CCNE2: variants seen among roughly 807,000 people sequenced by gnomAD.
CCNE2 encodes the protein G1/S-specific cyclin-E2.
A neutral mutation model predicts 56.8 loss-of-function variants in CCNE2; 18 were observed. That is an observed-to-expected ratio of 0.32 (90% CI 0.22 to 0.47). CCNE2 has a LOEUF of 0.47. Among genes scored for constraint, CCNE2 ranks in the 20% least tolerant of loss-of-function variants. The probability of loss-of-function intolerance (pLI) is 1.00; values close to 1 mark genes in which losing one functional copy is unlikely to be tolerated. For synonymous variants in CCNE2, 139 were observed against 149.2 expected (o/e 0.93, Z 0.50); for missense variants, 371 against 467.1 (o/e 0.79, Z 1.90).
At chr8:94,892,168 A>C in intron 5 of CCNE2, 1 of 487,584 alleles carries the variant, frequency 2.1e-6, no homozygotes. Flanking sequence ...AGAGCAATAC[A>C]AAAAAGTTAA....
At chr8:94,885,828 T>G (rs1422236439) in intron 7 of CCNE2, among the ~76,000 whole-genome samples, 1 of 151,390 alleles carries the variant, frequency 6.6e-6, no homozygotes, top group Non-Finnish European at 1.5e-5. Flanking sequence ...AAGTGATTCT[T>G]GGGTCTCAGC....
In CCNE2 at chr8:94,880,526, C is replaced by G; in HGVS notation, c.*1106G>C. On this transcript the variant is annotated 3_prime_UTR_variant, in exon 12 of 12. Transcript: ENST00000308108. ...AGGCTGGATTTTTTTTTTAGAAAAG[C>G]TAATTTAAAATATTTAGAAATAGCT... The G allele has an allele frequency of 3.4e-6, 1 of 297,142 alleles. No homozygotes were observed. The highest frequency in any genetic ancestry group is 6.1e-6 in the Non-Finnish European group (1 of 165,006). The allele number at this position is 297,142 out of a possible 1,614,324, so 18.4% of individuals were successfully genotyped here. A position where few individuals can be genotyped will look rare whatever the true frequency, so the allele number is the denominator to read the frequency against.
chr8:94,895,081 C>T, intron 1 of CCNE2, 96 bp downstream of exon 1: 1 of 701,890 alleles, frequency 1.4e-6, no homozygotes, highest in African/African-American at 1.9e-5. Flanking sequence ...TCAGCCCTCC[C>T]GATTTTCCTC....
At chr8:94,882,667 A>T (rs929789341) in intron 10 of CCNE2, 114 bp downstream of exon 10, 7 of 664,568 alleles carry the variant, frequency 1.1e-5, no homozygotes, top group African/African-American at 3.7e-5. Context: ...TGAACAGCTA[A>T]TTTTTTTTTT....
chr8:94,883,385 GAT>G (rs1398027175), intron 9 of CCNE2, among the ~76,000 whole-genome samples: 1 of 152,152 alleles, frequency 6.6e-6, no homozygotes, highest in Non-Finnish European at 1.5e-5. Context: ...GATTGGAAAA[GAT>G]AGTGATGGCC....
In CCNE2 at chr8:94,885,125, T is replaced by C. The variant is rs766710937; in HGVS notation, c.773A>G (p.Asp258Gly). Residue 258 changes from aspartate to glycine, a missense_variant, in exon 9 of 12, where the codon GAT becomes GGT. Transcript: ENST00000308108. ...NLFLQVDALK[D>G]APKVLLPQYS... is the part of the protein sequence containing the mutation. ...CTGAGGTAGAAGAACTTTAGGAGCA[T>C]CTTTAAGAGCATCAACTTGGAGAAA... is the stretch of plus-strand genomic sequence containing the variant. 1 of 1,613,370 alleles carries C rather than the reference T, an allele frequency of 6.2e-7. No individual in the cohort carries two copies. The highest frequency in any genetic ancestry group is 1.7e-5 in the Admixed American group (1 of 60,020).
At chr8:94,883,847 T>A (rs2131100024) in intron 9 of CCNE2, 1 of 455,828 alleles carries the variant, frequency 2.2e-6, no homozygotes, top group East Asian at 7.0e-5. Context: ...TTTGAGAAGA[T>A]ACTTGTGCAG....
chr8:94,890,574 C>CATAT lies in CCNE2; in HGVS notation c.318-28_318-25dup, dbSNP rs750535446. 717 of 715,710 alleles carry CATAT rather than the reference C, an allele frequency of 1.0e-3. 11 individuals carry two copies. The highest frequency in any genetic ancestry group is 2.8e-3 in the Middle Eastern group (8 of 2,906). 44.3% of individuals were successfully genotyped at this position (715,710 alleles called of 1,614,324 possible). On this transcript the variant is annotated intron_variant, in intron 5 of 11. Transcript: ENST00000308108. The stretch of plus-strand genomic sequence containing the variant: ...AGCTATGGAAAGAGAGGAAAAAAAC[C>CATAT]ATATATATATATATATATTTTTTTT...
In CCNE2 at chr8:94,893,948, G is replaced by A; in HGVS notation, c.112-4C>T. 1 of 1,613,768 alleles carries A rather than the reference G, an allele frequency of 6.2e-7. No individual in the cohort carries two copies. Among genetic ancestry groups the A allele is most frequent in the Non-Finnish European group, 8.5e-7 (1 of 1,179,924 alleles). ...CCTCTCTTCTTTTTTTGACATCCTG[G>A]AAAATAGAAAAGACCATTGGTAAAC... On this transcript the variant is annotated splice_region_variant and splice_polypyrimidine_tract_variant and intron_variant, in intron 3 of 11. Transcript: ENST00000308108.
chr8:94,883,035 G>A (rs970084727), intron 9 of CCNE2, 143 bp from the exon 10 acceptor site: 12 of 501,132 alleles, frequency 2.4e-5, no homozygotes, highest in Middle Eastern at 5.4e-4. Flanking sequence ...CAGCACTTTG[G>A]GAGGCCGAGG....
At position 94,880,968 on chromosome 8, in the gene CCNE2, T is replaced by G. The variant is rs1329681030; in HGVS notation, c.*664A>C. On this transcript the variant is annotated 3_prime_UTR_variant, in exon 12 of 12. Coordinates refer to ENST00000308108, the MANE Select transcript of CCNE2 (RefSeq NM_057749.3). The stretch of plus-strand genomic sequence containing the variant: ...TAATTTCTTTGGTACTCCCACTGTT[T>G]AGAGCACAGGTTGAACACCATGTTC... 3 of 398,688 alleles carry G rather than the reference T, an allele frequency of 7.5e-6. No individual in the cohort carries two copies. The highest frequency in any genetic ancestry group is 2.1e-5 in the African/African-American group (1 of 48,638). 24.7% of individuals were successfully genotyped at this position (398,688 alleles called of 1,614,324 possible).
At chr8:94,882,102 CA>C in intron 11 of CCNE2, 29 bp downstream of exon 11, 1 of 1,575,676 alleles carries the variant, frequency 6.3e-7, no homozygotes, top group Non-Finnish European at 8.6e-7. Context: ...ATTCAGATAG[CA>C]AAGCCAAAAA....
upstream of CCNE2, chr8:94,896,311 C>T (rs4735329): frequency 0.63 from 93,277 of 148,406 alleles, 29,872 homozygotes; most frequent in East Asian, 0.79. Flanking sequence ...CCCGCGCGAG[C>T]CGGCAGCGCG....
upstream of CCNE2, chr8:94,896,387 T>C (rs1447634585): frequency 2.6e-5 from 4 of 151,766 alleles, no homozygotes; most frequent in Non-Finnish European, 5.9e-5. Flanking sequence ...CCTTTATCCT[T>C]CCCCGGGTGT....
In CCNE2 at chr8:94,892,881, G is replaced by T; in HGVS notation, c.254C>A (p.Ser85Tyr). The T allele has an allele frequency of 3.9e-6, 6 of 1,519,864 alleles. No homozygotes were observed. Among genetic ancestry groups the T allele is most frequent in the Non-Finnish European group, 5.3e-6 (6 of 1,128,178 alleles). The allele number at this position is 1,519,864 out of a possible 1,614,324, so 94.1% of individuals were successfully genotyped here. The change falls in exon 5 of 12, where the codon TCC becomes TAC. Residue 85 changes from serine (S) to tyrosine (Y), a missense_variant. Transcript: ENST00000308108. ...PHKEIGTSDF[S>Y]RFTNYRFKNL... ...TTTAAATCTGTAATTTGTAAATCTG[G>T]AGAAATCACTTGTTCCTATTTCTTT...
At chr8:94,886,884 TA>T (rs1817058683) in intron 7 of CCNE2, among the ~76,000 whole-genome samples, 1 of 152,186 alleles carries the variant, frequency 6.6e-6, no homozygotes, top group Admixed American at 6.5e-5. Context: ...GAGAACAGGC[TA>T]AAAGATCAGG....
chr8:94,882,372 GT>G, intron 10 of CCNE2, 83 bp from the exon 11 acceptor site: 2 of 1,129,074 alleles, frequency 1.8e-6, no homozygotes, highest in Non-Finnish European at 2.4e-6. Flanking sequence ...ACTTGTTGCT[GT>G]TTTTGAGATA....
intron 6 of CCNE2, among the ~76,000 whole-genome samples, chr8:94,889,103 G>A (rs1817139739): frequency 1.3e-5 from 2 of 151,584 alleles, no homozygotes; most frequent in African/African-American, 4.9e-5. Context: ...AGCTGAGATC[G>A]TGCCATTCCA....
chr8:94,895,692 G>A (rs974763730), upstream of CCNE2: 1 of 152,250 alleles, frequency 6.6e-6, no homozygotes, highest in African/African-American at 2.4e-5. Flanking sequence ...GAGCGACGCG[G>A]GGACCCGAGG....
Sources: allele counts gnomAD v4.1 joint callset (sites outside exome capture counted in the v4.1 genomes callset), GRCh38; gene constraint gnomAD v4.1.1; transcripts MANE v1.5; gene names NCBI Gene and HGNC (gene_info 2026-07-23, HGNC 2026-07-21).